GABRB2: variants seen among roughly 807,000 people sequenced by gnomAD.
GABRB2 encodes the protein gamma-aminobutyric acid type A receptor subunit beta2.
GABRB2 carries 16 observed loss-of-function variants against 54.7 expected under a neutral mutation model. That is an observed-to-expected ratio of 0.29 (90% CI 0.20 to 0.44). The LOEUF is 0.44. Ranked by LOEUF, GABRB2 falls within the 20% of genes least tolerant of loss-of-function variation. The probability of loss-of-function intolerance (pLI) is 1.00; values close to 1 mark genes in which losing one functional copy is unlikely to be tolerated. For missense variants in GABRB2, 355 were observed against 644.0 expected (o/e 0.55, Z 4.86); for synonymous variants, 244 against 233.8 (o/e 1.04, Z -0.40).
intron 5 of GABRB2, among the ~76,000 whole-genome samples, chr5:161,403,500 C>A (rs942327006): frequency 6.6e-6 from 1 of 152,026 alleles, no homozygotes; most frequent in Non-Finnish European, 1.5e-5. Flanking sequence ...TCAAATTAGT[C>A]TTTTATTTAC....
intron 9 of GABRB2, among the ~76,000 whole-genome samples, chr5:161,318,796 A>C (rs1421512576): frequency 6.6e-6 from 1 of 152,074 alleles, no homozygotes. Flanking sequence ...CAAAGCTCAT[A>C]GAATACTTTA....
intron 3 of GABRB2, among the ~76,000 whole-genome samples, chr5:161,466,441 T>C (rs1417992006): frequency 6.6e-6 from 1 of 152,102 alleles, no homozygotes; most frequent in African/African-American, 2.4e-5. Flanking sequence ...GCATGCTTTC[T>C]AAATTTCTCT....
At chr5:161,329,245 G>A (rs929951526) in intron 8 of GABRB2, among the ~76,000 whole-genome samples, 3 of 151,964 alleles carry the variant, frequency 2.0e-5, no homozygotes, top group African/African-American at 7.3e-5. Context: ...TTATTTGTTT[G>A]TTTATTTATT....
chr5:161,374,810 T>C (rs1755240213), intron 5 of GABRB2, among the ~76,000 whole-genome samples: 1 of 152,174 alleles, frequency 6.6e-6, no homozygotes, highest in African/African-American at 2.4e-5. Context: ...CCACATTATA[T>C]ATTTATTAGT....
chr5:161,541,168 T>C (rs1760800406), intron 3 of GABRB2, among the ~76,000 whole-genome samples: 1 of 103,506 alleles, frequency 9.7e-6, no homozygotes, highest in Non-Finnish European at 1.8e-5. Context: ...AGTAAGAATC[T>C]TTTTTTTTTT....
At chr5:161,322,314 C>T (rs915148256) in intron 9 of GABRB2, among the ~76,000 whole-genome samples, 10 of 152,160 alleles carry the variant, frequency 6.6e-5, no homozygotes, top group African/African-American at 2.4e-4. Flanking sequence ...TGGCGCGCTG[C>T]AACCTCCACC....
intron 9 of GABRB2, among the ~76,000 whole-genome samples, chr5:161,319,112 A>G (rs917451129): frequency 6.7e-6 from 1 of 150,236 alleles, no homozygotes; most frequent in Admixed American, 6.6e-5. Context: ...TCCCTAATGT[A>G]ATTTTATTAG....
chr5:161,453,287 G>T (rs1044297706), intron 4 of GABRB2, among the ~76,000 whole-genome samples: 8 of 152,274 alleles, frequency 5.3e-5, no homozygotes, highest in Admixed American at 5.2e-4. Flanking sequence ...TTTATAATTA[G>T]ATTGTCCTGA....
At chr5:161,465,128 A>C (rs1393481114) in intron 3 of GABRB2, among the ~76,000 whole-genome samples, 1 of 152,102 alleles carries the variant, frequency 6.6e-6, no homozygotes, top group African/African-American at 2.4e-5. Flanking sequence ...CAGTATGTTT[A>C]TGTTCCTCTG....
chr5:161,353,688 A>G (rs901926425), intron 5 of GABRB2, among the ~76,000 whole-genome samples: 8 of 152,150 alleles, frequency 5.3e-5, no homozygotes, highest in African/African-American at 1.7e-4. Flanking sequence ...TTGGTAGCAG[A>G]TAAGTCCAAT....
upstream of GABRB2, chr5:161,548,263 A>AACCC (rs1761051620): frequency 6.6e-6 from 1 of 152,200 alleles, no homozygotes. Flanking sequence ...CAATTCACAA[A>AACCC]AGAAGTCTTC....
intron 3 of GABRB2, among the ~76,000 whole-genome samples, chr5:161,513,570 G>A (rs1561678014): frequency 6.6e-6 from 1 of 151,982 alleles, no homozygotes; most frequent in East Asian, 1.9e-4. Context: ...ATAACTGGGA[G>A]CTAAACACTG....
At chr5:161,317,318 CA>C (rs1194520360) in intron 9 of GABRB2, among the ~76,000 whole-genome samples, 1 of 151,868 alleles carries the variant, frequency 6.6e-6, no homozygotes, top group Non-Finnish European at 1.5e-5. Flanking sequence ...ACAAATGAAA[CA>C]AAAACAAAAA....
rs1337774856 is a variant in GABRB2, at chr5:161,292,997, C to CA, written c.*1083dup. The CA allele has an allele frequency of 6.6e-6, 1 of 152,104 alleles. No homozygotes were observed. 9.4% of individuals were successfully genotyped at this position (152,104 alleles called of 1,614,324 possible). Reference sequence around the variant, plus strand: ...AAATTAAGAAATAAAATTATAGGGACAAAAATTGCAGGGACAGCTGACTTC... The same window carrying CA: ...AAATTAAGAAATAAAATTATAGGGACAAAAAATTGCAGGGACAGCTGACTTC... On this transcript the variant is annotated 3_prime_UTR_variant, in exon 10 of 10. Coordinates refer to ENST00000393959, the MANE Select transcript of GABRB2 (RefSeq NM_001371727.1).
intron 5 of GABRB2, among the ~76,000 whole-genome samples, chr5:161,351,798 T>C (rs1403240630): frequency 6.6e-6 from 1 of 152,024 alleles, no homozygotes; most frequent in African/African-American, 2.4e-5. Flanking sequence ...TTGCACACCA[T>C]ACTTCTAATA....
At chr5:161,301,751 T>C (rs530436112) in intron 9 of GABRB2, among the ~76,000 whole-genome samples, 60 of 152,346 alleles carry the variant, frequency 3.9e-4, no homozygotes, top group African/African-American at 1.4e-3. Flanking sequence ...ATCTGCTTTC[T>C]AGTCCAGCTT....
chr5:161,307,348 C>A lies in GABRB2; in HGVS notation c.1192-12920G>T, dbSNP rs73797563. On this transcript the variant is annotated intron_variant, in intron 9 of 9. Transcript: ENST00000393959. ...CATTAGAATGTGGTCACTGCGAGGG[C>A]AAGGCACATATTTGGTAAGGACTCA... 7.7e-3 allele frequency among the ~76,000 whole-genome samples: 1,170 copies of A among 152,260 alleles called. 15 individuals are homozygous for A. Among genetic ancestry groups the A allele is most frequent in the African/African-American group, 0.025 (1,050 of 41,552 alleles).
intron 4 of GABRB2, among the ~76,000 whole-genome samples, chr5:161,451,910 A>C (rs1177383645): frequency 1.3e-5 from 2 of 152,200 alleles, no homozygotes; most frequent in African/African-American, 2.4e-5. Flanking sequence ...TTTTATTTTC[A>C]TAAGAACTAT....
At chr5:161,499,029 C>T (rs1413751464) in intron 3 of GABRB2, among the ~76,000 whole-genome samples, 1 of 152,134 alleles carries the variant, frequency 6.6e-6, no homozygotes, top group East Asian at 1.9e-4. Context: ...CACATCCTTA[C>T]CACCTGCTTC....
Sources: gnomAD v4.1 joint callset for allele counts (sites outside exome capture counted in the v4.1 genomes callset) on GRCh38, gnomAD v4.1.1 for gene constraint, MANE v1.5 for transcripts, NCBI Gene and HGNC (gene_info 2026-07-23, HGNC 2026-07-21) for gene names.